Variants in AFAP1 observed in about 807,000 individuals in gnomAD.
AFAP1 encodes the protein actin filament-associated protein 1.
AFAP1 carries 75 observed loss-of-function variants against 93.9 expected under a neutral mutation model. That is an observed-to-expected ratio of 0.80 (90% CI 0.66 to 0.97). AFAP1 has a LOEUF of 0.97. AFAP1 is among the 50% of genes least tolerant of loss of function. The probability of loss-of-function intolerance (pLI) is 0.00; values close to 1 mark genes in which losing one functional copy is unlikely to be tolerated. For synonymous variants in AFAP1, 517 were observed against 430.7 expected (o/e 1.20, Z -2.48); for missense variants, 1,201 against 1,050.8 (o/e 1.14, Z -1.98).
chr4:7,892,759 TC>T (rs1399446995), intron 1 of AFAP1, among the ~76,000 whole-genome samples: 1 of 151,760 alleles, frequency 6.6e-6, no homozygotes, highest in Non-Finnish European at 1.5e-5. Context: ...CCCAAACTAT[TC>T]CATGACGCAT....
intron 7 of AFAP1, among the ~76,000 whole-genome samples, chr4:7,816,424 A>G (rs1231840334): frequency 1.3e-5 from 2 of 152,274 alleles, no homozygotes; most frequent in African/African-American, 2.4e-5. Flanking sequence ...ATTACAAAAA[A>G]TATTTCCCTC....
intron 1 of AFAP1, among the ~76,000 whole-genome samples, chr4:7,934,560 G>A (rs1006263597): frequency 6.6e-6 from 1 of 151,706 alleles, no homozygotes; most frequent in African/African-American, 2.4e-5. Context: ...ACCACTGTCT[G>A]GGATATCAGG....
At position 7,781,643 on chromosome 4, in the gene AFAP1, C is replaced by T; in HGVS notation, c.1531-16G>A. 1 of 1,550,436 alleles carries T rather than the reference C, an allele frequency of 6.4e-7. No individual in the cohort carries two copies. Among genetic ancestry groups the T allele is most frequent in the South Asian group, 1.2e-5 (1 of 84,010 alleles). On this transcript the variant is annotated splice_polypyrimidine_tract_variant and intron_variant, in intron 12 of 17. Coordinates refer to ENST00000420658, the MANE Select transcript of AFAP1 (RefSeq NM_001134647.2). ...CCGGTTCCCACTGCAACACACATAG[C>T]TTTGTGGTTAGTGACTTGGACACAG... is the stretch of plus-strand genomic sequence containing the variant.
intron 1 of AFAP1, among the ~76,000 whole-genome samples, chr4:7,921,247 AC>A (rs1208225393): frequency 1.5e-5 from 2 of 129,286 alleles, no homozygotes; most frequent in Non-Finnish European, 3.1e-5. Context: ...GCAGTGGTGC[AC>A]TCTTGGCTCA....
At chr4:7,772,545 G>C in intron 16 of AFAP1, 1 of 369,382 alleles carries the variant, frequency 2.7e-6, no homozygotes, top group Non-Finnish European at 4.9e-6. Flanking sequence ...ACGAGGACTG[G>C]ATCTGTTCTA....
At chr4:7,900,470 A>G (rs1305295318) in intron 1 of AFAP1, among the ~76,000 whole-genome samples, 2 of 152,242 alleles carry the variant, frequency 1.3e-5, no homozygotes, top group African/African-American at 4.8e-5. Flanking sequence ...ATGTGAGGAA[A>G]CCAACACAAA....
chr4:7,830,261 G>A (rs992976558), intron 6 of AFAP1, among the ~76,000 whole-genome samples: 2 of 150,146 alleles, frequency 1.3e-5, no homozygotes, highest in Non-Finnish European at 3.0e-5. Context: ...GCTGGGAGAA[G>A]GGAATTGTAC....
At chr4:7,883,959 C>T (rs1183458194) in intron 1 of AFAP1, among the ~76,000 whole-genome samples, 1 of 152,188 alleles carries the variant, frequency 6.6e-6, no homozygotes, top group Non-Finnish European at 1.5e-5. Flanking sequence ...CTCCAAATCT[C>T]ATGTTGAGAT....
chr4:7,800,818 C>T (rs549240984), intron 9 of AFAP1, among the ~76,000 whole-genome samples, 165 bp from the exon 10 acceptor site: 181 of 152,290 alleles, frequency 1.2e-3, no homozygotes, highest in Non-Finnish European at 1.6e-3. Context: ...CTAGGAGAGC[C>T]GTGGCTACGG....
At chr4:7,856,591 G>A (rs1394702370) in intron 3 of AFAP1, among the ~76,000 whole-genome samples, 1 of 152,196 alleles carries the variant, frequency 6.6e-6, no homozygotes, top group Non-Finnish European at 1.5e-5. Flanking sequence ...TGGTTGTGAA[G>A]CCATAGCCTT....
intron 1 of AFAP1, among the ~76,000 whole-genome samples, chr4:7,927,986 G>A (rs903806545): frequency 2.0e-5 from 3 of 152,056 alleles, no homozygotes; most frequent in Non-Finnish European, 2.9e-5. Context: ...ATGCTCTTTC[G>A]TATGATCTAT....
At chr4:7,793,477 T>C (rs951097627) in intron 11 of AFAP1, among the ~76,000 whole-genome samples, 3 of 152,200 alleles carry the variant, frequency 2.0e-5, no homozygotes, top group Non-Finnish European at 4.4e-5. Context: ...TCATGCAAGT[T>C]TGCCACACGC....
chr4:7,919,633 A>AT (rs566988694), intron 1 of AFAP1, among the ~76,000 whole-genome samples: 269 of 151,268 alleles, frequency 1.8e-3, no homozygotes, highest in Middle Eastern at 0.017. Context: ...TTAGTCTTTT[A>AT]TTTTTTTTTA....
At chr4:7,918,450 G>T (rs1438413338) in intron 1 of AFAP1, among the ~76,000 whole-genome samples, 1 of 145,174 alleles carries the variant, frequency 6.9e-6, no homozygotes, top group Non-Finnish European at 1.5e-5. Flanking sequence ...CTCGGCCCAG[G>T]TCACCCACAA....
At chr4:7,847,896 T>C (rs1464558634) in intron 4 of AFAP1, among the ~76,000 whole-genome samples, 3 of 151,654 alleles carry the variant, frequency 2.0e-5, no homozygotes, top group Non-Finnish European at 4.4e-5. Flanking sequence ...CAGAACCGTG[T>C]GAACTCTGTT....
At chr4:7,841,561 G>T (rs1031859652) in intron 5 of AFAP1, among the ~76,000 whole-genome samples, 22 of 152,226 alleles carry the variant, frequency 1.4e-4, no homozygotes, top group African/African-American at 5.3e-4. Context: ...GGAACATTTA[G>T]GGGAAGAACA....
intron 6 of AFAP1, among the ~76,000 whole-genome samples, chr4:7,834,009 A>G (rs933748130): frequency 2.0e-5 from 3 of 152,092 alleles, no homozygotes; most frequent in East Asian, 3.8e-4. Context: ...ACACATGTTT[A>G]TAACAGCACA....
At chr4:7,828,246 C>T (rs1347314184) in intron 6 of AFAP1, among the ~76,000 whole-genome samples, 3 of 152,162 alleles carry the variant, frequency 2.0e-5, no homozygotes, top group Admixed American at 1.3e-4. Context: ...CCTATAGCGT[C>T]GCCCCCACGC....
chr4:7,796,514 C>A (rs1179056988), intron 10 of AFAP1, among the ~76,000 whole-genome samples: 1 of 152,026 alleles, frequency 6.6e-6, no homozygotes, highest in Non-Finnish European at 1.5e-5. Flanking sequence ...CTTTGGGAGG[C>A]CGAGGCGGGC....
Sources: allele counts gnomAD v4.1 joint callset (sites outside exome capture counted in the v4.1 genomes callset), GRCh38; gene constraint gnomAD v4.1.1; transcripts MANE v1.5; gene names NCBI Gene and HGNC (gene_info 2026-07-23, HGNC 2026-07-21).